The following EDC3 variants were observed in gnomAD, a reference collection of about 807,000 sequenced individuals.
The protein encoded by EDC3 is enhancer of mRNA decapping 3.
In EDC3, 20 loss-of-function variants were observed where a neutral mutation model predicts 41.8. That is an observed-to-expected ratio of 0.48 (90% CI 0.34 to 0.70). EDC3 has a LOEUF of 0.70. Ranked by LOEUF, EDC3 falls within the 30% of genes least tolerant of loss-of-function variation. The pLI, the probability that EDC3 is intolerant of heterozygous loss-of-function variation, is 0.01. For missense variants in EDC3, 444 were observed against 636.8 expected (o/e 0.70, Z 3.26); for synonymous variants, 206 against 243.2 (o/e 0.85, Z 1.42).
chr15:74,666,117 G>C (rs554997319), intron 3 of EDC3, among the ~76,000 whole-genome samples: 1 of 152,216 alleles, frequency 6.6e-6, no homozygotes, highest in South Asian at 2.1e-4. Flanking sequence ...TATTTCTATA[G>C]CTTCATCAAT....
intron 4 of EDC3, among the ~76,000 whole-genome samples, chr15:74,648,439 T>C (rs941269078): frequency 6.6e-6 from 1 of 152,154 alleles, no homozygotes; most frequent in African/African-American, 2.4e-5. Flanking sequence ...AAGAGCTAGA[T>C]ACATCCCCAC....
intron 6 of EDC3, among the ~76,000 whole-genome samples, chr15:74,634,601 C>T (rs2062249002): frequency 6.6e-6 from 1 of 152,192 alleles, no homozygotes; most frequent in African/African-American, 2.4e-5. Context: ...TCAGTGATCG[C>T]ACCTCAGTTA....
chr15:74,691,471 C>T (rs1009309707), intron 1 of EDC3, among the ~76,000 whole-genome samples: 5 of 152,244 alleles, frequency 3.3e-5, no homozygotes, highest in South Asian at 2.1e-4. Flanking sequence ...TAAGTTATGG[C>T]GCTGTGAGGG....
At chr15:74,665,024 T>C (rs1249107725) in intron 3 of EDC3, among the ~76,000 whole-genome samples, 4 of 152,216 alleles carry the variant, frequency 2.6e-5, no homozygotes, top group African/African-American at 9.6e-5. Flanking sequence ...AGGCCAGCTA[T>C]CTACTTTGTT....
chr15:74,654,919 A>G (rs577826117), intron 4 of EDC3, among the ~76,000 whole-genome samples: 1 of 152,364 alleles, frequency 6.6e-6, no homozygotes, highest in South Asian at 2.1e-4. Context: ...TAAAAATATT[A>G]TACTCAATTC....
At chr15:74,675,259 A>G (rs941540120) in intron 1 of EDC3, 117 bp from the exon 2 acceptor site, 2 of 899,322 alleles carry the variant, frequency 2.2e-6, no homozygotes, top group Non-Finnish European at 3.2e-6. Flanking sequence ...ATTCTATCAC[A>G]TTGTTAACTG....
At position 74,655,920 on chromosome 15, in the gene EDC3, A is replaced by G. The variant is rs138195822; in HGVS notation, c.633T>C (p.Ala211=). 1.2e-5 allele frequency: 20 copies of G among 1,614,132 alleles called. No individual in the cohort carries two copies. In the South Asian group the frequency reaches 2.1e-4, roughly 17 times the overall value. The change falls in exon 4 of 7, where the codon GCT becomes GCC. Residue 211 remains alanine (A), a synonymous_variant. Coordinates refer to ENST00000315127, the MANE Select transcript of EDC3 (RefSeq NM_025083.5). ...DTDFDFEGNL[A]LFDKAAVFEE... is the part of the protein sequence containing the mutation. ...CAAACACAGCTGCCTTGTCAAAAAG[A>G]GCCAGGTTCCCTTCAAAATCAAAAT...
intron 2 of EDC3, among the ~76,000 whole-genome samples, chr15:74,672,890 G>T (rs1277615720): frequency 1.3e-5 from 2 of 151,976 alleles, no homozygotes; most frequent in African/African-American, 4.8e-5. Context: ...GAGCCTAAAA[G>T]CAAAATATTT....
chr15:74,687,938 ATGT>A (rs1190565805), intron 1 of EDC3, among the ~76,000 whole-genome samples: 1 of 152,238 alleles, frequency 6.6e-6, no homozygotes, highest in African/African-American at 2.4e-5. Flanking sequence ...TAAGACACTG[ATGT>A]TGTGCATTCA....
intron 3 of EDC3, among the ~76,000 whole-genome samples, chr15:74,668,786 A>G (rs2062707487): frequency 8.1e-6 from 1 of 123,340 alleles, no homozygotes; most frequent in Non-Finnish European, 1.6e-5. Flanking sequence ...TCTAAATGGA[A>G]AGAATCATTT....
chr15:74,685,426 T>A (rs1346742551), intron 1 of EDC3, among the ~76,000 whole-genome samples: 1 of 151,008 alleles, frequency 6.6e-6, no homozygotes, highest in African/African-American at 2.5e-5. Context: ...TATAGATAGA[T>A]AGATAGATAG....
rs1328312557 is a variant in EDC3 at position 74,655,926 on chromosome 15, GTTCCC to G, written c.622_626del (p.Gly208ProfsTer5). The stretch of plus-strand genomic sequence containing the variant: ...CAGCTGCCTTGTCAAAAAGAGCCAG[GTTCCC>G]TTCAAAATCAAAATCTGTGTCTGGG... On this transcript the variant is annotated frameshift_variant, in exon 4 of 7. Transcript: ENST00000315127. LOFTEE classifies it high-confidence loss of function. 2 of 1,613,870 alleles carry G rather than the reference GTTCCC, an allele frequency of 1.2e-6. No homozygotes were observed. Among genetic ancestry groups the G allele is most frequent in the African/African-American group, 2.7e-5 (2 of 74,836 alleles).
In EDC3 at chr15:74,632,708, G is replaced by A. The variant is rs144101502; in HGVS notation, c.1431C>T (p.Cys477=). ...AGACCTGCTGGGGAATGCCAATGTC[G>A]CACAAATAGATACGGCCTGCGTGCT... ...LGEHAGRIYL[C]DIGIPQQVFQ... The change falls in exon 7 of 7, where the codon TGC becomes TGT. Residue 477 remains cysteine, a synonymous_variant. Transcript: ENST00000315127. This position sits in a 1 kb window ranked among gnomAD's most constrained non-coding sequence, Gnocchi z 4.0. 1,014 of 1,614,158 alleles carry A rather than the reference G, an allele frequency of 6.3e-4. 1 individual carries two copies. The highest frequency in any genetic ancestry group is 7.0e-4 in the Non-Finnish European group (828 of 1,180,030).
At chr15:74,690,561 G>A (rs1014673692) in intron 1 of EDC3, among the ~76,000 whole-genome samples, 3 of 152,218 alleles carry the variant, frequency 2.0e-5, no homozygotes, top group African/African-American at 7.2e-5. Context: ...GGATGAGTGA[G>A]TAGTTATAGA....
chr15:74,643,995 T>C (rs1231980703), intron 4 of EDC3: 1 of 152,018 alleles, frequency 6.6e-6, no homozygotes, highest in East Asian at 1.9e-4. Context: ...AATCCACTGG[T>C]AAATTTATAC....
At chr15:74,662,072 T>C (rs2062627324) in intron 3 of EDC3, among the ~76,000 whole-genome samples, 2 of 152,332 alleles carry the variant, frequency 1.3e-5, no homozygotes, top group South Asian at 4.1e-4. Context: ...TCATAGATCA[T>C]ACCATATTGA....
chr15:74,691,967 C>A (rs1470748741), intron 1 of EDC3, among the ~76,000 whole-genome samples: 2 of 152,156 alleles, frequency 1.3e-5, no homozygotes, highest in Admixed American at 1.3e-4. Context: ...CAGGCGCCCA[C>A]CAACACGCCC....
intron 4 of EDC3, among the ~76,000 whole-genome samples, chr15:74,648,807 G>C (rs2062445930): frequency 6.6e-6 from 1 of 152,174 alleles, no homozygotes; most frequent in Non-Finnish European, 1.5e-5. Flanking sequence ...TTACATACTT[G>C]AGGACAGAAG....
At chr15:74,686,734 T>G (rs1478764123) in intron 1 of EDC3, among the ~76,000 whole-genome samples, 1 of 151,352 alleles carries the variant, frequency 6.6e-6, no homozygotes, top group Non-Finnish European at 1.5e-5. Flanking sequence ...GAGCAGAAAT[T>G]GCGCCACTGC....
Sources: gnomAD v4.1 joint callset for allele counts (sites outside exome capture counted in the v4.1 genomes callset) on GRCh38, gnomAD v4.1.1 for gene constraint, Gnocchi (gnomAD v3.1) non-coding constraint, MANE v1.5 for transcripts, NCBI Gene and HGNC (gene_info 2026-07-23, HGNC 2026-07-21) for gene names.